IGF2R: variants seen among roughly 807,000 people sequenced by gnomAD.
IGF2R encodes cation-independent mannose-6-phosphate receptor.
IGF2R carries 91 observed loss-of-function variants against 270.6 expected under a neutral mutation model. That is an observed-to-expected ratio of 0.34 (90% CI 0.28 to 0.40). The LOEUF is 0.40. Ranked by LOEUF, IGF2R falls within the 10% of genes least tolerant of loss-of-function variation. The pLI, the probability that IGF2R is intolerant of heterozygous loss-of-function variation, is 1.00. For synonymous variants in IGF2R, 1,316 were observed against 1,258.9 expected (o/e 1.05, Z -0.96); for missense variants, 2,805 against 3,188.3 (o/e 0.88, Z 2.90).
At chr6:159,997,026 C>T (rs936920922) in intron 2 of IGF2R, among the ~76,000 whole-genome samples, 1 of 152,196 alleles carries the variant, frequency 6.6e-6, no homozygotes, top group Non-Finnish European at 1.5e-5. Flanking sequence ...GAGGAGAAGT[C>T]CTACTACCCA....
At position 159,969,363 on chromosome 6, in the gene IGF2R, G is replaced by A; in HGVS notation, c.117G>A (p.Gln39=). ...LLLVAAPGST[Q]AQAAPFPELC... ...TCGTCGCTGCCCCGGGGTCCACGCA[G>A]GCCCAGGCCGCCCCGTTCCCCGAGC... The change falls in exon 1 of 48, where the codon CAG becomes CAA. Residue 39 remains glutamine (Q), a synonymous_variant. Coordinates refer to ENST00000356956, the MANE Select transcript of IGF2R (RefSeq NM_000876.4). 7.7e-7 allele frequency: 1 copy of A among 1,294,658 alleles called. No individual in the cohort carries two copies. The highest frequency in any genetic ancestry group is 9.8e-7 in the Non-Finnish European group (1 of 1,020,050). 80.2% of individuals were successfully genotyped at this position (1,294,658 alleles called of 1,614,324 possible). A position where few individuals can be genotyped will look rare whatever the true frequency, so the allele number is the denominator to read the frequency against.
At chr6:160,072,265 C>T (rs1170276397) in intron 32 of IGF2R, among the ~76,000 whole-genome samples, 2 of 152,164 alleles carry the variant, frequency 1.3e-5, no homozygotes, top group African/African-American at 4.8e-5. Context: ...ATCCATCCCT[C>T]CTGTCACTCT....
intron 6 of IGF2R, 131 bp downstream of exon 6, chr6:160,027,445 C>A: frequency 9.7e-7 from 1 of 1,034,832 alleles, no homozygotes; most frequent in African/African-American, 1.6e-5. Context: ...TTCACATGTA[C>A]TTGTAAGATT....
At position 160,086,402 on chromosome 6, in the gene IGF2R, G is replaced by A. The variant is rs547173320; in HGVS notation, c.6205+1271G>A. Among the ~76,000 whole-genome samples the A allele has an allele frequency of 1.5e-3, 222 of 152,290 alleles. 2 individuals carry two copies. In the Middle Eastern group the frequency reaches 0.017, roughly 12 times the overall value. On this transcript the variant is annotated intron_variant, in intron 41 of 47. Coordinates refer to ENST00000356956, the MANE Select transcript of IGF2R (RefSeq NM_000876.4). Reference sequence around the variant, plus strand: ...CCACGGTGCCCCCATTGTCCGCTTAGGGAATGGACCCCTGTTGGGGTGGGA... The same window carrying A: ...CCACGGTGCCCCCATTGTCCGCTTAAGGAATGGACCCCTGTTGGGGTGGGA...
intron 41 of IGF2R, among the ~76,000 whole-genome samples, chr6:160,085,472 G>A (rs1187928372): frequency 1.3e-5 from 2 of 152,198 alleles, no homozygotes; most frequent in Admixed American, 6.5e-5. Context: ...ATAAACACAC[G>A]TGTTTGTTTA....
In IGF2R at chr6:160,084,648, G is replaced by T. The variant is rs2115288267; in HGVS notation, c.6069-347G>T. Among the ~76,000 whole-genome samples, 1 of 152,246 alleles carries T rather than the reference G, an allele frequency of 6.6e-6. No individual in the cohort carries two copies. ...GAGGAGCAGGGGCATGGACTCACAG[G>T]GTTTAAGTGGTTCTAAGTGAGGTGG... On this transcript the variant is annotated intron_variant, in intron 40 of 47. Coordinates refer to ENST00000356956, the MANE Select transcript of IGF2R (RefSeq NM_000876.4). The surrounding 1 kb of genome is among the most constrained non-coding windows in gnomAD (Gnocchi z 4.6).
At chr6:160,014,238 AG>A (rs397887927) in intron 4 of IGF2R, among the ~76,000 whole-genome samples, 1 of 152,206 alleles carries the variant, frequency 6.6e-6, no homozygotes, top group Non-Finnish European at 1.5e-5. Context: ...CAGTCTTACC[AG>A]GGTTATAAAA....
intron 45 of IGF2R, among the ~76,000 whole-genome samples, chr6:160,097,742 A>G (rs1289258103): frequency 6.6e-6 from 1 of 152,230 alleles, no homozygotes; most frequent in Admixed American, 6.5e-5. Flanking sequence ...AAGGGACCGT[A>G]GAGTCAGCAG....
chr6:160,077,863 T>G (rs1583295386), intron 36 of IGF2R, among the ~76,000 whole-genome samples: 2 of 152,252 alleles, frequency 1.3e-5, no homozygotes, highest in African/African-American at 2.4e-5. Flanking sequence ...GGAGCACTTG[T>G]GAGGCAGGGT....
rs927221573 is a variant in IGF2R, at chr6:160,084,554, C to T, written c.6068+370C>T. On this transcript the variant is annotated intron_variant, in intron 40 of 47. Coordinates refer to ENST00000356956, the MANE Select transcript of IGF2R (RefSeq NM_000876.4). The surrounding 1 kb of genome is among the most constrained non-coding windows in gnomAD (Gnocchi z 4.6). Reference sequence around the variant, plus strand: ...CTCCTTAGGCTTTGCTGGCTGGGGTCAGCCCATGGTCCTGACCACTCTGCG... The same window carrying T: ...CTCCTTAGGCTTTGCTGGCTGGGGTTAGCCCATGGTCCTGACCACTCTGCG... Among the ~76,000 whole-genome samples the T allele has an allele frequency of 6.6e-6, 1 of 152,136 alleles. No individual in the cohort carries two copies. Among genetic ancestry groups the T allele is most frequent in the Non-Finnish European group, 1.5e-5 (1 of 68,028 alleles).
intron 25 of IGF2R, among the ~76,000 whole-genome samples, 184 bp from the exon 26 acceptor site, chr6:160,062,348 A>G (rs1778459038): frequency 6.6e-6 from 1 of 151,674 alleles, no homozygotes; most frequent in Non-Finnish European, 1.5e-5. Context: ...TAACTTTTGT[A>G]TTTTTAGTAG....
At chr6:160,023,140 G>T (rs564535738) in intron 4 of IGF2R, among the ~76,000 whole-genome samples, 1 of 152,116 alleles carries the variant, frequency 6.6e-6, no homozygotes, top group Non-Finnish European at 1.5e-5. Flanking sequence ...GGAATTGGGG[G>T]GCCAGTTAAG....
chr6:160,060,123 G>A (rs1482755207), intron 22 of IGF2R, among the ~76,000 whole-genome samples: 1 of 151,768 alleles, frequency 6.6e-6, no homozygotes, highest in African/African-American at 2.4e-5. Flanking sequence ...ACAGGCCACC[G>A]TTGCAGTGAG....
chr6:160,009,040 C>A lies in IGF2R; in HGVS notation c.320C>A (p.Ser107Tyr). The A allele has an allele frequency of 1.9e-6, 3 of 1,613,930 alleles. No homozygotes were observed. The highest frequency in any genetic ancestry group is 2.5e-6 in the Non-Finnish European group (3 of 1,179,828). ...GDSVLRSATR[S>Y]LLEFNTTVSC... ...TCTGTTTTGAGAAGTGCAACCAGAT[C>A]TCTCCTGGAATTCAACACAACAGTG... The change falls in exon 3 of 48, where the codon TCT becomes TAT. Residue 107 changes from serine to tyrosine, a missense_variant. Physicochemically the swap from Ser to Tyr is moderately radical, Grantham distance 144. This residue lies in a region of IGF2R where 954 missense variants were observed against 981.1 expected (regional missense o/e 0.97). Transcript: ENST00000356956.
intron 29 of IGF2R, among the ~76,000 whole-genome samples, chr6:160,067,967 G>A (rs1412475969): frequency 6.6e-6 from 1 of 151,916 alleles, no homozygotes; most frequent in East Asian, 1.9e-4. Flanking sequence ...GCAGACTTGA[G>A]TTTTTCTGTT....
chr6:160,065,810 G>GTGTGTGTGTGTGTA (rs1554246363), intron 29 of IGF2R, among the ~76,000 whole-genome samples: 1 of 72,980 alleles, frequency 1.4e-5, no homozygotes, highest in Admixed American at 1.7e-4. Flanking sequence ...GTGTGTGTGT[G>GTGTGTGTGTGTGTA]TGTGTATATA....
intron 5 of IGF2R, 22 bp downstream of exon 5, chr6:160,024,726 A>AGGGGGTGGG: frequency 6.2e-7 from 1 of 1,612,228 alleles, no homozygotes; most frequent in Non-Finnish European, 8.5e-7. Flanking sequence ...TGTGGGGCTG[A>AGGGGGTGGG]GGGGGTGGTG....
At chr6:160,071,523 T>G (rs772157642) in intron 31 of IGF2R, among the ~76,000 whole-genome samples, 1 of 152,228 alleles carries the variant, frequency 6.6e-6, no homozygotes, top group Non-Finnish European at 1.5e-5. Context: ...TTGTTTTGAC[T>G]GTGATAATGG....
intron 30 of IGF2R, among the ~76,000 whole-genome samples, chr6:160,068,736 G>T (rs529892257): frequency 6.6e-6 from 1 of 152,348 alleles, no homozygotes; most frequent in East Asian, 1.9e-4. Context: ...TGTATTGAAG[G>T]CTGGCACTGG....
Sources: gnomAD v4.1 joint callset for allele counts (sites outside exome capture counted in the v4.1 genomes callset) on GRCh38, gnomAD v4.1.1 for gene constraint, gnomAD v4.1.1 regional missense constraint, Gnocchi (gnomAD v3.1) non-coding constraint, MANE v1.5 for transcripts, NCBI Gene and HGNC (gene_info 2026-07-23, HGNC 2026-07-21) for gene names.